RABGEF1: variants seen among roughly 807,000 people sequenced by gnomAD.
RABGEF1 encodes the protein rab5 GDP/GTP exchange factor.
In RABGEF1, 26 loss-of-function variants were observed where a neutral mutation model predicts 57.3. The ratio of observed to expected loss-of-function variants is 0.45; its 90% CI spans 0.33 to 0.63. RABGEF1 has a LOEUF of 0.63. RABGEF1 is among the 20% of genes least tolerant of loss of function. RABGEF1 has a pLI of 0.02. For missense variants in RABGEF1, 464 were observed against 607.6 expected (o/e 0.76, Z 2.48); for synonymous variants, 185 against 210.7 (o/e 0.88, Z 1.06).
rs1789385435 is a variant in RABGEF1 at position 66,811,081 on chromosome 7, G to A, written c.*1797G>A. 1 of 152,116 alleles carries A rather than the reference G, an allele frequency of 6.6e-6. No homozygotes were observed. The highest frequency in any genetic ancestry group is 1.5e-5 in the Non-Finnish European group (1 of 68,026). 9.4% of individuals were successfully genotyped at this position (152,116 alleles called of 1,614,324 possible). A position where few individuals can be genotyped will look rare whatever the true frequency, so the allele number is the denominator to read the frequency against. On this transcript the variant is annotated 3_prime_UTR_variant, in exon 9 of 9. Coordinates refer to ENST00000284957, the MANE Select transcript of RABGEF1 (RefSeq NM_014504.3). The stretch of plus-strand genomic sequence containing the variant: ...CCTTCTTTGGTTTAATTTTCTATGT[G>A]CTTTTAGGTGTGAATCCAGATATGC...
At chr7:66,756,091 GAT>G in intron 1 of RABGEF1, 1 of 1,419,768 alleles carries the variant, frequency 7.0e-7, no homozygotes, top group Non-Finnish European at 9.3e-7. Flanking sequence ...AGTACTGAAA[GAT>G]ATATAAGAAG....
intron 1 of RABGEF1, among the ~76,000 whole-genome samples, chr7:66,752,592 G>T (rs1240761977): frequency 2.0e-5 from 3 of 152,166 alleles, no homozygotes; most frequent in Non-Finnish European, 4.4e-5. Context: ...ATGAAGTCCT[G>T]AGAATAAATG....
intron 1 of RABGEF1, among the ~76,000 whole-genome samples, chr7:66,745,547 A>G (rs1419846061): frequency 6.6e-6 from 1 of 152,106 alleles, no homozygotes; most frequent in African/African-American, 2.4e-5. Context: ...TGGGCAGATC[A>G]CTTAAGGCCA....
At chr7:66,746,267 T>G (rs1258591930) in intron 1 of RABGEF1, among the ~76,000 whole-genome samples, 2 of 152,272 alleles carry the variant, frequency 1.3e-5, no homozygotes, top group African/African-American at 4.8e-5. Context: ...ATGAAGTTAC[T>G]GTCAGTGGGA....
chr7:66,772,630 C>T (rs369167466), intron 2 of RABGEF1, among the ~76,000 whole-genome samples: 4 of 151,958 alleles, frequency 2.6e-5, no homozygotes, highest in East Asian at 1.9e-4. Context: ...AACGATGGGC[C>T]GGGCGCAGTG....
intron 1 of RABGEF1, among the ~76,000 whole-genome samples, chr7:66,766,528 G>A (rs1442388222): frequency 1.3e-5 from 2 of 151,720 alleles, no homozygotes; most frequent in South Asian, 2.1e-4. Flanking sequence ...TAAATGGCTG[G>A]TGTCTTAGAT....
intron 1 of RABGEF1, among the ~76,000 whole-genome samples, chr7:66,742,498 A>G (rs538788761): frequency 1.6e-4 from 24 of 152,312 alleles, no homozygotes; most frequent in African/African-American, 5.1e-4. Flanking sequence ...GGATCAGGGA[A>G]TACTTTCTGC....
chr7:66,682,508 C>T (rs1471968829), intron 1 of RABGEF1, among the ~76,000 whole-genome samples: 4 of 152,220 alleles, frequency 2.6e-5, no homozygotes, highest in Admixed American at 2.0e-4. Flanking sequence ...CTCCAGCGCC[C>T]GGCCGTGCCC....
intron 1 of RABGEF1, among the ~76,000 whole-genome samples, chr7:66,704,840 A>G (rs924425532): frequency 2.6e-5 from 4 of 152,104 alleles, no homozygotes; most frequent in South Asian, 4.1e-4. Context: ...TAAATAACCA[A>G]CGTGTATCTT....
chr7:66,683,943 G>C (rs957226367), intron 1 of RABGEF1, among the ~76,000 whole-genome samples: 1 of 152,066 alleles, frequency 6.6e-6, no homozygotes, highest in African/African-American at 2.4e-5. Flanking sequence ...GTCTTGCTGC[G>C]TTGCCCACGC....
At chr7:66,661,369 T>C in the RABGEF1 span, among the ~76,000 whole-genome samples, 1 of 147,572 alleles carries the variant, frequency 6.8e-6, no homozygotes, top group South Asian at 2.1e-4. Flanking sequence ...AAGATAATAC[T>C]ATAAACATAG....
intron 1 of RABGEF1, among the ~76,000 whole-genome samples, chr7:66,685,556 G>T (rs558444132): frequency 6.6e-6 from 1 of 152,290 alleles, no homozygotes; most frequent in African/African-American, 2.4e-5. Context: ...TTTCTGTAAG[G>T]ATGTCTGACC....
intron 7 of RABGEF1, among the ~76,000 whole-genome samples, chr7:66,799,923 C>T (rs1478225147): frequency 1.1e-4 from 17 of 152,066 alleles, no homozygotes; most frequent in Non-Finnish European, 2.4e-4. Flanking sequence ...TGAAGTTCCC[C>T]AAATTGATGT....
At chr7:66,753,294 G>A (rs1206356908) in intron 1 of RABGEF1, among the ~76,000 whole-genome samples, 1 of 152,076 alleles carries the variant, frequency 6.6e-6, no homozygotes, top group Non-Finnish European at 1.5e-5. Context: ...TGCTAACTGG[G>A]GTGTATGATT....
At chr7:66,747,313 G>A (rs1287109124) in intron 1 of RABGEF1, among the ~76,000 whole-genome samples, 2 of 152,180 alleles carry the variant, frequency 1.3e-5, no homozygotes, top group African/African-American at 4.8e-5. Flanking sequence ...TGAAATCTCT[G>A]AAGCAGGAAT....
chr7:66,682,537 C>T (rs1789919290), intron 1 of RABGEF1, among the ~76,000 whole-genome samples: 1 of 152,238 alleles, frequency 6.6e-6, no homozygotes, highest in Non-Finnish European at 1.5e-5. Flanking sequence ...TGACCTGGAT[C>T]ACTTCCTGGC....
chr7:66,749,268 C>G (rs1471131023), intron 1 of RABGEF1, among the ~76,000 whole-genome samples: 5 of 152,190 alleles, frequency 3.3e-5, no homozygotes, highest in African/African-American at 1.2e-4. Context: ...TTATCAAATG[C>G]TAGCAGGAGC....
intron 2 of RABGEF1, among the ~76,000 whole-genome samples, chr7:66,735,390 G>C (rs1797828822): frequency 6.6e-6 from 1 of 152,196 alleles, no homozygotes; most frequent in African/African-American, 2.4e-5. Context: ...TATGGGCTTT[G>C]AAGTCAAACT....
chr7:66,710,941 G>C (rs1178873103), intron 1 of RABGEF1, among the ~76,000 whole-genome samples: 1 of 151,682 alleles, frequency 6.6e-6, no homozygotes, highest in Non-Finnish European at 1.5e-5. Context: ...CCAGGAGTTT[G>C]AGACCAGCCT....
Sources: allele counts gnomAD v4.1 joint callset (sites outside exome capture counted in the v4.1 genomes callset), GRCh38; gene constraint gnomAD v4.1.1; transcripts MANE v1.5; gene names NCBI Gene and HGNC (gene_info 2026-07-23, HGNC 2026-07-21).